Variants in ATP13A2 observed in about 807,000 individuals in gnomAD.
The protein encoded by ATP13A2 is ATPase cation transporting 13A2, also known as polyamine-transporting ATPase 13A2.
ATP13A2 carries 83 observed loss-of-function variants against 138.3 expected under a neutral mutation model. The observed-to-expected ratio is 0.60, with a 90% CI of 0.50 to 0.72. The LOEUF (loss-of-function observed/expected upper bound fraction) is 0.72, where lower values mean the gene tolerates loss of function less well. ATP13A2 is among the 30% of genes least tolerant of loss of function. The pLI, the probability that ATP13A2 is intolerant of heterozygous loss-of-function variation, is 0.00. For synonymous variants in ATP13A2, 663 were observed against 699.0 expected (o/e 0.95, Z 0.81); for missense variants, 1,402 against 1,606.4 (o/e 0.87, Z 2.17).
chr1:16,997,796 G>A (rs534136137), intron 11 of ATP13A2, among the ~76,000 whole-genome samples: 20 of 150,100 alleles, frequency 1.3e-4, no homozygotes, highest in African/African-American at 4.2e-4. Flanking sequence ...AGCCGAGATC[G>A]TGCCACTGCA....
chr1:17,008,095 A>G (rs1008563806), intron 1 of ATP13A2, among the ~76,000 whole-genome samples: 6 of 152,158 alleles, frequency 3.9e-5, no homozygotes, highest in Non-Finnish European at 5.9e-5. Flanking sequence ...TCGGCTTCCC[A>G]AAGTGCTGGG....
intron 20 of ATP13A2, among the ~76,000 whole-genome samples, chr1:16,991,395 T>A (rs1413748436): frequency 6.6e-6 from 1 of 152,204 alleles, no homozygotes; most frequent in Non-Finnish European, 1.5e-5. Flanking sequence ...AGAATCTTTC[T>A]CTTCCTGCTC....
At chr1:16,999,554 C>T (rs888759057) in intron 11 of ATP13A2, among the ~76,000 whole-genome samples, 4 of 152,018 alleles carry the variant, frequency 2.6e-5, no homozygotes, top group Non-Finnish European at 5.9e-5. Flanking sequence ...TACGTGGTAA[C>T]GGCCCAGGGG....
Position 17,002,034 on chromosome 1 carries a change from C to T in ATP13A2, c.705G>A (p.Glu235=), listed in dbSNP as rs1292878166. 6.2e-7 allele frequency: 1 copy of T among 1,610,896 alleles called. No individual in the cohort carries two copies. Among genetic ancestry groups the T allele is most frequent in the Non-Finnish European group, 8.5e-7 (1 of 1,178,400 alleles). ...VKSYPQLLVD[E]ALNPYYGFQA... is the part of the protein sequence containing the mutation. ...GGGCAAGACCCAGGGACAGCCCTAC[C>T]TCGTCCACCAGCAGCTGGGGGTAGG... The change falls in exon 8 of 29, where the codon GAG becomes GAA. Residue 235 remains glutamate (E), a splice_region_variant and synonymous_variant. Transcript: ENST00000326735.
chr1:16,988,212 T>G lies in ATP13A2; in HGVS notation c.2785A>C (p.Thr929Pro). ...ATGTACTTGAAGACGCTGAACGAAGTGTCAAGGGAACAGCGCCCCTCCCTG... is the reference window on the plus strand; with the variant it reads ...ATGTACTTGAAGACGCTGAACGAAGGGTCAAGGGAACAGCGCCCCTCCCTG... ...VIREGRCSLD[T>P]SFSVFKYMAL... The change falls in exon 25 of 29, where the codon ACT (threonine) becomes CCT (proline). Residue 929 changes from threonine (T) to proline (P), a missense_variant. Coordinates refer to ENST00000326735, the MANE Select transcript of ATP13A2 (RefSeq NM_022089.4). The G allele has an allele frequency of 2.5e-6, 4 of 1,614,080 alleles. No individual in the cohort carries two copies. The highest frequency in any genetic ancestry group is 3.4e-6 in the Non-Finnish European group (4 of 1,180,010).
Position 16,998,755 on chromosome 1 carries a change from G to A in ATP13A2, c.1039+1256C>T, listed in dbSNP as rs139847390. On this transcript the variant is annotated intron_variant, in intron 11 of 28. Transcript: ENST00000326735. ...CGGTTGAGTCAGTTACGATACATCCGTATTGTGGACTCTCATGCAGCCATG... is the reference window on the plus strand; with the variant it reads ...CGGTTGAGTCAGTTACGATACATCCATATTGTGGACTCTCATGCAGCCATG... 5.3e-5 allele frequency among the ~76,000 whole-genome samples: 8 copies of A among 152,214 alleles called. No individual in the cohort carries two copies. In the East Asian group the frequency reaches 9.7e-4, roughly 18 times the overall value.
At chr1:16,997,446 G>T (rs2077180589) in intron 11 of ATP13A2, among the ~76,000 whole-genome samples, 1 of 145,228 alleles carries the variant, frequency 6.9e-6, no homozygotes, top group South Asian at 2.2e-4. Context: ...AGCATGTGTG[G>T]GCATCATGTG....
In ATP13A2 at chr1:16,986,881, C is replaced by G. The variant is rs140394047; in HGVS notation, c.3159G>C (p.Leu1053=). ...CCAGGATGAGGTACTGGAAGCTGGA[C>G]AGAGAGAAGACCACGGTGTTCTCGT... The part of the protein sequence containing the change: ...PNYENTVVFS[L]SSFQYLILAA... The change falls in exon 27 of 29, where the codon CTG becomes CTC. Residue 1053 remains leucine (L), a synonymous_variant. Transcript: ENST00000326735. The surrounding 1 kb of genome is among the most constrained non-coding windows in gnomAD (Gnocchi z 6.9). 1 of 1,613,930 alleles carries G rather than the reference C, an allele frequency of 6.2e-7. No individual in the cohort carries two copies. The highest frequency in any genetic ancestry group is 1.3e-5 in the African/African-American group (1 of 74,892).
Position 16,996,176 on chromosome 1 carries a change from C to T in ATP13A2, c.1354-12G>A, listed in dbSNP as rs779652832. 8.1e-6 allele frequency: 13 copies of T among 1,614,154 alleles called. No individual in the cohort carries two copies. Among genetic ancestry groups the T allele is most frequent in the South Asian group, 1.1e-5 (1 of 91,078 alleles). ...TCATTCAGAGGCACCTGGCAGGGGGCACCATGAATGTGAGCACCTGGCTGG... is the reference window on the plus strand; with the variant it reads ...TCATTCAGAGGCACCTGGCAGGGGGTACCATGAATGTGAGCACCTGGCTGG... On this transcript the variant is annotated splice_polypyrimidine_tract_variant and intron_variant, in intron 14 of 28. Coordinates refer to ENST00000326735, the MANE Select transcript of ATP13A2 (RefSeq NM_022089.4).
Position 16,986,639 on chromosome 1 carries a change from G to A in ATP13A2, c.3236-7C>T. 6.2e-7 allele frequency: 1 copy of A among 1,604,712 alleles called. No homozygotes were observed. Among genetic ancestry groups the A allele is most frequent in the Non-Finnish European group, 8.5e-7 (1 of 1,177,796 alleles). On this transcript the variant is annotated splice_polypyrimidine_tract_variant and splice_region_variant and intron_variant, in intron 27 of 28. Transcript: ENST00000326735. The surrounding 1 kb of genome is among the most constrained non-coding windows in gnomAD (Gnocchi z 6.9). ...AGGGCCACCAGGAAGGGCACTGGGA[G>A]CAGGAGAGTCTCTCAGGCAGGAGCC...
chr1:16,997,086 C>T lies in ATP13A2; in HGVS notation c.1129G>A (p.Gly377Arg), dbSNP rs886395233. The change falls in exon 12 of 29, where the codon GGG (glycine) becomes AGG (arginine). Residue 377 changes from glycine (G) to arginine (R), a missense_variant. Gly to Arg is a moderately radical substitution (Grantham distance 125). Transcript: ENST00000326735. The stretch of plus-strand genomic sequence containing the variant: ...GCCCGGGCCTGCAAGATGAGGGTCC[C>T]GCAGAAGAGTGTGTGCCGCCGGTGT... ...ETHRRHTLFCGTLILQARAYV... is the reference protein window; with the variant it reads ...ETHRRHTLFCRTLILQARAYV... 20 of 1,613,582 alleles carry T rather than the reference C, an allele frequency of 1.2e-5. No individual in the cohort carries two copies. The highest frequency in any genetic ancestry group is 2.2e-5 in the East Asian group (1 of 44,876).
chr1:17,005,687 G>A lies in ATP13A2; in HGVS notation c.102C>T (p.Ser34=), dbSNP rs760853708. 55 of 1,613,708 alleles carry A rather than the reference G, an allele frequency of 3.4e-5. No individual in the cohort carries two copies. Among genetic ancestry groups the A allele is most frequent in the East Asian group, 4.5e-5 (2 of 44,876 alleles). Residue 34 remains serine (S), a synonymous_variant, in exon 2 of 29, where the codon TCC becomes TCT. Transcript: ENST00000326735. ...CCACCCCACTCTGCCCACTTACCACGGATGAAACTGAGGAGCTGAGGGGAT... is the reference window on the plus strand; with the variant it reads ...CCACCCCACTCTGCCCACTTACCACAGATGAAACTGAGGAGCTGAGGGGAT... ...SIDPLSSSVS[S]VRLSGYCGSP...
chr1:17,008,521 G>A (rs930801465), intron 1 of ATP13A2, among the ~76,000 whole-genome samples: 5 of 152,150 alleles, frequency 3.3e-5, no homozygotes, highest in African/African-American at 7.2e-5. Context: ...GGCAGGACCC[G>A]GCTCCCAGGT....
rs1043579853 is a variant in ATP13A2, at chr1:16,995,437, G to A, written c.1542+539C>T. 2.3e-5 allele frequency: 6 copies of A among 259,076 alleles called. No individual in the cohort carries two copies. The highest frequency in any genetic ancestry group is 3.0e-5 in the Non-Finnish European group (4 of 132,244). 16.0% of individuals were successfully genotyped at this position (259,076 alleles called of 1,614,324 possible). A position where few individuals can be genotyped will look rare whatever the true frequency, so the allele number is the denominator to read the frequency against. On this transcript the variant is annotated intron_variant, in intron 15 of 28. Transcript: ENST00000326735. The surrounding 1 kb of genome is among the most constrained non-coding windows in gnomAD (Gnocchi z 4.1). ...GGCCCCAAGGGTTGGGAGCAGCACG[G>A]GATGCACACTAGGGCCCCAGGTCCC...
At chr1:17,005,187 C>A in intron 3 of ATP13A2, 115 bp from the exon 4 acceptor site, 1 of 1,506,242 alleles carries the variant, frequency 6.6e-7, no homozygotes, top group Non-Finnish European at 9.2e-7. Context: ...ATGGAGAGCC[C>A]TCCAGAAACC....
Position 16,993,730 on chromosome 1 carries a change from G to C in ATP13A2, c.1648C>G (p.Pro550Ala). ...VPEPRRLPVG[P>A]LLRALATCHA... The stretch of plus-strand genomic sequence containing the variant: ...CAGGTGGCCAGTGCTCGGAGCAGGG[G>C]CCCCACAGGCAGGCGGCGAGGCTCT... Residue 550 changes from proline (P) to alanine (A), a missense_variant, in exon 16 of 29, where the codon CCC becomes GCC. Pro to Ala is a conservative substitution (Grantham distance 27). Transcript: ENST00000326735. 1 of 1,594,062 alleles carries C rather than the reference G, an allele frequency of 6.3e-7. No homozygotes were observed. The highest frequency in any genetic ancestry group is 8.5e-7 in the Non-Finnish European group (1 of 1,171,074).
intron 6 of ATP13A2, among the ~76,000 whole-genome samples, chr1:17,003,401 T>C (rs566841150): frequency 1.8e-4 from 28 of 151,826 alleles, no homozygotes; most frequent in African/African-American, 6.5e-4. Context: ...CTACAAAACA[T>C]GCAAAAATTA....
chr1:17,000,340 AGTGG>A (rs1438510699), intron 9 of ATP13A2, 28 bp from the exon 10 acceptor site: 1 of 1,585,490 alleles, frequency 6.3e-7, no homozygotes, highest in Admixed American at 1.8e-5. Context: ...GAGGGCCGTG[AGTGG>A]GTGGGGGCCC....
rs773787370 is a variant in ATP13A2 at position 16,986,976 on chromosome 1, G to T, written c.3084-20C>A. On this transcript the variant is annotated intron_variant, in intron 26 of 28. Coordinates refer to ENST00000326735, the MANE Select transcript of ATP13A2 (RefSeq NM_022089.4). This position sits in a 1 kb window ranked among gnomAD's most constrained non-coding sequence, Gnocchi z 6.9. The stretch of plus-strand genomic sequence containing the variant: ...ACGAACCTGGGGGTACAGGGATGGG[G>T]GTCAGGGAACGAACGTGGGGTGGAC... 1.2e-6 allele frequency: 2 copies of T among 1,613,284 alleles called. No individual in the cohort carries two copies. Among genetic ancestry groups the T allele is most frequent in the Non-Finnish European group, 1.7e-6 (2 of 1,179,610 alleles).
Sources: allele counts gnomAD v4.1 joint callset (sites outside exome capture counted in the v4.1 genomes callset), GRCh38; gene constraint gnomAD v4.1.1; non-coding constraint Gnocchi (gnomAD v3.1); transcripts MANE v1.5; gene names NCBI Gene and HGNC (gene_info 2026-07-23, HGNC 2026-07-21).